The following DPP6 variants were observed in gnomAD, a reference collection of about 807,000 sequenced individuals.
The protein encoded by DPP6 is dipeptidyl peptidase like 6.
Under a neutral mutation model 122.6 loss-of-function variants are expected in DPP6, and 69 were observed. The observed-to-expected ratio is 0.56, with a 90% confidence interval of 0.46 to 0.69. DPP6 has a LOEUF of 0.69. DPP6 is among the 30% of genes least tolerant of loss of function. The probability of loss-of-function intolerance (pLI) is 0.00; values close to 1 mark genes in which losing one functional copy is unlikely to be tolerated. For synonymous variants in DPP6, 418 were observed against 433.1 expected (o/e 0.97, Z 0.43); for missense variants, 928 against 1,116.9 (o/e 0.83, Z 2.41).
chr7:154,833,957 C>T lies in DPP6; in HGVS notation c.1667-19823C>T, dbSNP rs1365760109. On this transcript the variant is annotated intron_variant, in intron 16 of 25. Coordinates refer to ENST00000377770, the MANE Select transcript of DPP6 (RefSeq NM_130797.4). The surrounding 1 kb of genome is among the most constrained non-coding windows in gnomAD (Gnocchi z 4.3). ...GCTGCACGGATGTAGCTCATCTTCA[C>T]GCAGACAAGAATAAGGACGCCTGTC... is the stretch of plus-strand genomic sequence containing the variant. Among the ~76,000 whole-genome samples the T allele has an allele frequency of 2.0e-5, 3 of 152,100 alleles. No individual in the cohort carries two copies. The highest frequency in any genetic ancestry group is 1.9e-4 in the East Asian group (1 of 5,174).
intron 2 of DPP6, among the ~76,000 whole-genome samples, chr7:154,469,122 G>A (rs7786152): frequency 0.12 from 18,824 of 152,188 alleles, 3,926 homozygotes; most frequent in African/African-American, 0.43. Flanking sequence ...ATGGGAAATA[G>A]ACTTGAAAGC....
chr7:153,763,916 C>T, the DPP6 span, among the ~76,000 whole-genome samples: 2 of 152,178 alleles, frequency 1.3e-5, no homozygotes, highest in African/African-American at 2.4e-5. Context: ...ACCTTAGCAG[C>T]TTCAATAAGC....
In DPP6 at chr7:154,241,951, C is replaced by A. The variant is rs1436921540; in HGVS notation, c.243+188888C>A. Among the ~76,000 whole-genome samples the A allele has an allele frequency of 6.6e-6, 1 of 152,178 alleles. No individual in the cohort carries two copies. Among genetic ancestry groups the A allele is most frequent in the African/African-American group, 2.4e-5 (1 of 41,440 alleles). On this transcript the variant is annotated intron_variant, in intron 1 of 25. Coordinates refer to ENST00000377770, the MANE Select transcript of DPP6 (RefSeq NM_130797.4). The surrounding 1 kb of genome is among the most constrained non-coding windows in gnomAD (Gnocchi z 9.0). ...GTTTCTAGTAGATGTTAATCAAATT[C>A]TTTGCATGTGATTGCTCAGTCTCTT...
At chr7:154,804,029 T>A in intron 14 of DPP6, 74 bp downstream of exon 14, 1 of 1,551,018 alleles carries the variant, frequency 6.4e-7, no homozygotes, top group Non-Finnish European at 8.7e-7. Context: ...TCAATTACAC[T>A]TATGGAGTAC....
At chr7:154,236,691 T>C (rs901845811) in intron 1 of DPP6, among the ~76,000 whole-genome samples, 1 of 152,180 alleles carries the variant, frequency 6.6e-6, no homozygotes, top group Non-Finnish European at 1.5e-5. Flanking sequence ...CCTCAGCCTA[T>C]AATCAGATTT....
At chr7:154,158,068 A>T (rs553801636) in intron 1 of DPP6, among the ~76,000 whole-genome samples, 2 of 149,532 alleles carry the variant, frequency 1.3e-5, no homozygotes, top group African/African-American at 2.5e-5. Flanking sequence ...CTTCCGTATT[A>T]CTTTTCACCC....
chr7:154,227,958 C>A (rs1027430144), intron 1 of DPP6, among the ~76,000 whole-genome samples: 2 of 152,158 alleles, frequency 1.3e-5, no homozygotes, highest in African/African-American at 4.8e-5. Context: ...GGAGGAAAAT[C>A]AGTGGATGAG....
In DPP6 at chr7:154,446,291, C is replaced by T. The variant is rs550478467; in HGVS notation, c.321C>T (p.Cys107=). ...AIALLVILVI[C]SLIVTSVILL... is the part of the protein sequence containing the mutation. ...CACTGCTTGTCATTCTGGTCATCTG[C>T]TCCTTGATCGTCACCTCGGTCATAC... Residue 107 remains cysteine, a synonymous_variant, in exon 2 of 26, where the codon TGC becomes TGT. Coordinates refer to ENST00000377770, the MANE Select transcript of DPP6 (RefSeq NM_130797.4). The T allele has an allele frequency of 5.6e-6, 9 of 1,612,376 alleles. No individual in the cohort carries two copies. The South Asian group carries it at 9.9e-5, about 18-fold the overall frequency.
intron 11 of DPP6, among the ~76,000 whole-genome samples, chr7:154,794,612 G>A (rs1236152019): frequency 1.3e-5 from 2 of 152,222 alleles, no homozygotes; most frequent in African/African-American, 4.8e-5. Flanking sequence ...CTCCAGGCGT[G>A]CGTCCCTCCC....
chr7:153,911,601 T>C (rs888802539), intron 1 of DPP6, among the ~76,000 whole-genome samples: 1 of 152,214 alleles, frequency 6.6e-6, no homozygotes. Flanking sequence ...TGGAAAGTGA[T>C]TGCAAAGTAA....
At chr7:153,842,443 T>C in the DPP6 span, among the ~76,000 whole-genome samples, 9 of 152,280 alleles carry the variant, frequency 5.9e-5, no homozygotes, top group Admixed American at 4.6e-4. Context: ...TTTTCTTTTT[T>C]TGTGTGAGAT....
intron 1 of DPP6, among the ~76,000 whole-genome samples, chr7:154,129,570 C>T (rs141047523): frequency 4.3e-4 from 66 of 152,310 alleles, no homozygotes; most frequent in African/African-American, 1.1e-3. Flanking sequence ...TGAGACCAGC[C>T]TAGCCAACAT....
chr7:154,560,680 C>T (rs934780558), intron 4 of DPP6, among the ~76,000 whole-genome samples: 2 of 152,072 alleles, frequency 1.3e-5, no homozygotes, highest in Admixed American at 6.5e-5. Flanking sequence ...GGTCAGAGTT[C>T]GAGACCAACC....
At chr7:154,433,133 C>T (rs1021678735) in intron 1 of DPP6, among the ~76,000 whole-genome samples, 15 of 124,334 alleles carry the variant, frequency 1.2e-4, no homozygotes, top group African/African-American at 5.5e-4. Flanking sequence ...TACTAGACTG[C>T]AAGTTTTTTT....
At chr7:154,892,089 C>G (rs1806660322) in intron 25 of DPP6, among the ~76,000 whole-genome samples, 1 of 152,202 alleles carries the variant, frequency 6.6e-6, no homozygotes, top group Non-Finnish European at 1.5e-5. Context: ...GGCTGGTTGG[C>G]TTCACGAATG....
At chr7:154,724,508 C>G (rs1471292128) in intron 7 of DPP6, among the ~76,000 whole-genome samples, 1 of 152,242 alleles carries the variant, frequency 6.6e-6, no homozygotes, top group Non-Finnish European at 1.5e-5. Context: ...TGGCTCCCTT[C>G]TCTTCGCCAC....
intron 1 of DPP6, among the ~76,000 whole-genome samples, chr7:154,139,455 T>C (rs1165063626): frequency 6.7e-6 from 1 of 149,530 alleles, no homozygotes; most frequent in African/African-American, 2.5e-5. Flanking sequence ...TTTTATTCTA[T>C]CCAGGACCTT....
chr7:154,252,670 A>G (rs1802426604), intron 1 of DPP6, among the ~76,000 whole-genome samples: 1 of 152,240 alleles, frequency 6.6e-6, no homozygotes, highest in South Asian at 2.1e-4. Flanking sequence ...AGCTTAAAAA[A>G]ACAAAAACTA....
chr7:154,071,805 C>A (rs1803137347), intron 1 of DPP6, among the ~76,000 whole-genome samples: 1 of 152,256 alleles, frequency 6.6e-6, no homozygotes, highest in South Asian at 2.1e-4. Flanking sequence ...AAGAGGACAC[C>A]GTTGTCTTAC....
Sources: allele counts gnomAD v4.1 joint callset (sites outside exome capture counted in the v4.1 genomes callset), GRCh38; gene constraint gnomAD v4.1.1; non-coding constraint Gnocchi (gnomAD v3.1); transcripts MANE v1.5; gene names NCBI Gene and HGNC (gene_info 2026-07-23, HGNC 2026-07-21).